ATP8A2: variants seen among roughly 807,000 people sequenced by gnomAD.
ATP8A2 encodes phospholipid-transporting ATPase IB.
In ATP8A2, 100 loss-of-function variants were observed where a neutral mutation model predicts 165.6. The observed-to-expected ratio is 0.60, with a 90% CI of 0.51 to 0.71. ATP8A2 has a LOEUF of 0.71. Among genes scored for constraint, ATP8A2 ranks in the 30% least tolerant of loss-of-function variants. The pLI, the probability that ATP8A2 is intolerant of heterozygous loss-of-function variation, is 0.00. For synonymous variants in ATP8A2, 543 were observed against 548.8 expected, an observed-to-expected ratio of 0.99 and a Z score of 0.15; for missense variants, 1,227 against 1,479.5, an observed-to-expected ratio of 0.83 and a Z score of 2.80.
intron 33 of ATP8A2, among the ~76,000 whole-genome samples, chr13:25,939,861 G>A (rs3783129): frequency 6.6e-6 from 1 of 152,006 alleles, no homozygotes; most frequent in Non-Finnish European, 1.5e-5. Flanking sequence ...GTTCTCCCAG[G>A]CTTCGCCTTT....
At chr13:25,726,517 G>T (rs931087011) in intron 25 of ATP8A2, among the ~76,000 whole-genome samples, 1 of 152,022 alleles carries the variant, frequency 6.6e-6, no homozygotes, top group Admixed American at 6.6e-5. Flanking sequence ...TAAATTCCTC[G>T]GCTTGTGGCC....
intron 1 of ATP8A2, among the ~76,000 whole-genome samples, chr13:25,460,859 T>A (rs949796537): frequency 6.6e-6 from 1 of 152,232 alleles, no homozygotes; most frequent in African/African-American, 2.4e-5. Context: ...TGAATGAAAT[T>A]GCCCTGTTTC....
chr13:25,997,440 C>G (rs1272695160), intron 35 of ATP8A2, among the ~76,000 whole-genome samples: 1 of 152,158 alleles, frequency 6.6e-6, no homozygotes, highest in Non-Finnish European at 1.5e-5. Context: ...AGTTTATCCT[C>G]TTTAGAATTG....
intron 35 of ATP8A2, among the ~76,000 whole-genome samples, chr13:25,999,494 C>T (rs1025319132): frequency 6.6e-6 from 1 of 152,164 alleles, no homozygotes; most frequent in Non-Finnish European, 1.5e-5. Flanking sequence ...AAGGGCCATC[C>T]ATTGTTCAGG....
At chr13:26,005,316 T>G (rs1956716926) in intron 35 of ATP8A2, among the ~76,000 whole-genome samples, 1 of 152,054 alleles carries the variant, frequency 6.6e-6, no homozygotes, top group Admixed American at 6.5e-5. Context: ...AATTCTCACT[T>G]TATTTGCGTC....
chr13:25,514,512 A>T (rs1338129698), intron 2 of ATP8A2, among the ~76,000 whole-genome samples: 1 of 152,164 alleles, frequency 6.6e-6, no homozygotes, highest in Non-Finnish European at 1.5e-5. Context: ...ACATGAGTGT[A>T]TGAGGTTTGT....
intron 26 of ATP8A2, among the ~76,000 whole-genome samples, chr13:25,770,860 T>C (rs527372679): frequency 1.3e-5 from 2 of 152,296 alleles, no homozygotes; most frequent in East Asian, 3.9e-4. Flanking sequence ...CTTAATCACA[T>C]GAACACAAGG....
chr13:25,410,421 T>C (rs1167116154), intron 1 of ATP8A2, among the ~76,000 whole-genome samples: 2 of 152,226 alleles, frequency 1.3e-5, no homozygotes, highest in African/African-American at 4.8e-5. Context: ...ATTACATACC[T>C]GCTTCTCCCA....
intron 30 of ATP8A2, among the ~76,000 whole-genome samples, chr13:25,855,275 T>G (rs1034516653): frequency 2.0e-5 from 3 of 148,976 alleles, no homozygotes; most frequent in Admixed American, 2.0e-4. Context: ...AAAGAGTCAC[T>G]CCCCATTTCT....
At chr13:25,732,139 C>T (rs1176213400) in intron 25 of ATP8A2, among the ~76,000 whole-genome samples, 1 of 152,142 alleles carries the variant, frequency 6.6e-6, no homozygotes, top group African/African-American at 2.4e-5. Context: ...TGAGCTTTTC[C>T]CTGCTTTACT....
At chr13:25,531,388 A>ATATGT (rs1216013716) in intron 4 of ATP8A2, among the ~76,000 whole-genome samples, 15 of 71,070 alleles carry the variant, frequency 2.1e-4, no homozygotes, top group African/African-American at 8.8e-4. Context: ...TATATATGAT[A>ATATGT]TATATATGAT....
At chr13:25,444,461 C>T (rs2035016889) in intron 1 of ATP8A2, among the ~76,000 whole-genome samples, 2 of 152,088 alleles carry the variant, frequency 1.3e-5, no homozygotes, top group Admixed American at 1.3e-4. Context: ...TAGAAACCGC[C>T]AAAAGAGTTT....
rs17082187 is a variant in ATP8A2, at chr13:25,377,061, C to T, written c.76+4773C>T. On this transcript the variant is annotated intron_variant, in intron 1 of 36. Coordinates refer to ENST00000381655, the MANE Select transcript of ATP8A2 (RefSeq NM_016529.6). ...CCAGTAATTGATTTTACATTTACAACGGATGTGTTATCTTAAACCCTCCTC... is the reference window on the plus strand; with the variant it reads ...CCAGTAATTGATTTTACATTTACAATGGATGTGTTATCTTAAACCCTCCTC... Among the ~76,000 whole-genome samples, 1,291 of 152,268 alleles carry T rather than the reference C, an allele frequency of 8.5e-3. 101 individuals carry two copies. The East Asian group carries it at 0.19, about 22-fold the overall frequency.
chr13:25,814,027 G>A (rs1469439020), intron 27 of ATP8A2, among the ~76,000 whole-genome samples: 1 of 151,628 alleles, frequency 6.6e-6, no homozygotes, highest in East Asian at 1.9e-4. Context: ...GCAGATCTTG[G>A]GACCTGCCCA....
chr13:25,972,843 G>A (rs1456144923), intron 35 of ATP8A2, among the ~76,000 whole-genome samples: 1 of 152,138 alleles, frequency 6.6e-6, no homozygotes, highest in Non-Finnish European at 1.5e-5. Context: ...ATGACGGCGT[G>A]TAAGATGACA....
intron 27 of ATP8A2, among the ~76,000 whole-genome samples, chr13:25,809,202 G>A (rs747318220): frequency 6.6e-6 from 1 of 152,108 alleles, no homozygotes; most frequent in Non-Finnish European, 1.5e-5. Flanking sequence ...GGGAGAGGCC[G>A]CAGGTTAGAA....
intron 24 of ATP8A2, among the ~76,000 whole-genome samples, chr13:25,636,792 TG>T (rs2041378719): frequency 6.6e-6 from 1 of 152,148 alleles, no homozygotes; most frequent in South Asian, 2.1e-4. Flanking sequence ...TGCTTGTTTT[TG>T]AACTTGAAGA....
At chr13:25,923,520 T>C (rs772797978) in intron 33 of ATP8A2, among the ~76,000 whole-genome samples, 2 of 152,118 alleles carry the variant, frequency 1.3e-5, no homozygotes, top group Non-Finnish European at 2.9e-5. Context: ...CAGGCCAACA[T>C]TTCTTTTTGT....
At chr13:25,762,619 A>G (rs1305203337) in intron 25 of ATP8A2, among the ~76,000 whole-genome samples, 3 of 152,174 alleles carry the variant, frequency 2.0e-5, no homozygotes, top group African/African-American at 7.2e-5. Flanking sequence ...ATTACGCTTA[A>G]TTATGGGTGG....
Sources: allele counts gnomAD v4.1 joint callset (sites outside exome capture counted in the v4.1 genomes callset), GRCh38; gene constraint gnomAD v4.1.1; transcripts MANE v1.5; gene names NCBI Gene and HGNC (gene_info 2026-07-23, HGNC 2026-07-21).